Variants in PHEX observed in about 807,000 individuals in gnomAD.
The protein encoded by PHEX is phosphate-regulating neutral endopeptidase PHEX.
Under a neutral mutation model 68.0 loss-of-function variants are expected in PHEX, and 16 were observed. The observed-to-expected ratio is 0.24, with a 90% CI of 0.16 to 0.36. The LOEUF (loss-of-function observed/expected upper bound fraction) is 0.36. PHEX is among the 10% of genes least tolerant of loss of function. The pLI is 1.00. For synonymous variants in PHEX, 208 were observed against 205.1 expected (o/e 1.01, Z -0.12); for missense variants, 480 against 575.5 (o/e 0.83, Z 1.70).
At chrX:22,143,695 T>C (rs1359070542) in intron 12 of PHEX, among the ~76,000 whole-genome samples, 2 of 112,500 alleles carry the variant, frequency 1.8e-5, no homozygotes, top group African/African-American at 6.5e-5. Context: ...TTCTTTCACT[T>C]AGCCTTATGT....
At chrX:22,143,756 G>A (rs1335711756) in intron 12 of PHEX, among the ~76,000 whole-genome samples, 1 of 111,890 alleles carries the variant, frequency 8.9e-6, no homozygotes, top group Non-Finnish European at 1.9e-5. Flanking sequence ...CTGTTTAATT[G>A]GCGTCCCCAT....
intron 15 of PHEX, among the ~76,000 whole-genome samples, chrX:22,197,837 G>A (rs1934415938): frequency 9.1e-6 from 1 of 110,271 alleles, no homozygotes; most frequent in Non-Finnish European, 1.9e-5. Context: ...TCTGAAGTAT[G>A]ACAGTTTGAT....
chrX:22,200,847 C>T (rs1934528200), intron 15 of PHEX, among the ~76,000 whole-genome samples: 1 of 110,455 alleles, frequency 9.1e-6, no homozygotes, highest in African/African-American at 3.3e-5. Flanking sequence ...GTCCCCAAGT[C>T]CTACTGATTT....
Position 22,231,332 on chromosome X carries a change from CTT to C in PHEX, c.2070+3722_2070+3723del, listed in dbSNP as rs766236084. Among the ~76,000 whole-genome samples the C allele has an allele frequency of 4.7e-3, 530 of 111,797 alleles. 1 individual carries two copies. The highest frequency in any genetic ancestry group is 0.016 in the African/African-American group (501 of 30,709). ...CCTCTTCTTCTGTGGTTTGGAATAG[CTT>C]CAGAAGGAATGGTACCAGCTCCTCT... On this transcript the variant is annotated intron_variant, in intron 20 of 21. Transcript: ENST00000379374.
chrX:22,116,071 C>G (rs1252288805), intron 11 of PHEX, among the ~76,000 whole-genome samples: 1 of 111,983 alleles, frequency 8.9e-6, no homozygotes, highest in African/African-American at 3.2e-5. Context: ...TACATTCTTA[C>G]CAACAGTATA....
At chrX:22,101,520 G>T (rs1473185345) in intron 9 of PHEX, among the ~76,000 whole-genome samples, 1 of 112,072 alleles carries the variant, frequency 8.9e-6, no homozygotes, top group Non-Finnish European at 1.9e-5. Flanking sequence ...TCATGGAACA[G>T]TCTGAACATG....
intron 12 of PHEX, among the ~76,000 whole-genome samples, chrX:22,151,017 G>T (rs1431469829): frequency 1.8e-5 from 2 of 111,902 alleles, no homozygotes; most frequent in African/African-American, 6.5e-5. Context: ...GGTGGCTTCA[G>T]GTCACTTTTC....
intron 12 of PHEX, among the ~76,000 whole-genome samples, chrX:22,142,858 A>G (rs894465838): frequency 1.8e-5 from 2 of 112,489 alleles, no homozygotes; most frequent in Non-Finnish European, 3.7e-5. Context: ...TTACCAATGT[A>G]TTGTTCTGTT....
At position 22,168,374 on chromosome X, in the gene PHEX, T is replaced by C. The variant is rs987682888; in HGVS notation, c.1467T>C (p.Asn489=). The C allele has an allele frequency of 2.4e-5, 28 of 1,177,849 alleles. No homozygotes were observed. The highest frequency in any genetic ancestry group is 3.2e-5 in the Non-Finnish European group (28 of 865,796). The change falls in exon 13 of 22, where the codon AAT becomes AAC. Residue 489 remains asparagine, a synonymous_variant. Coordinates refer to ENST00000379374, the MANE Select transcript of PHEX (RefSeq NM_000444.6). ...PEFIMNDTHV[N]EDLKAIKFSE... ...TTATAATGAATGATACTCATGTTAA[T>C]GAAGACCTCAAAGCTGTAAGTGCTA...
intron 12 of PHEX, among the ~76,000 whole-genome samples, chrX:22,145,889 A>G (rs1164064363): frequency 8.9e-6 from 1 of 112,427 alleles, no homozygotes; most frequent in Non-Finnish European, 1.9e-5. Context: ...TCTCTTGATT[A>G]ATTTTCACAA....
At chrX:22,223,776 AAGG>A (rs1935348445) in intron 18 of PHEX, among the ~76,000 whole-genome samples, 1 of 112,543 alleles carries the variant, frequency 8.9e-6, no homozygotes, top group Non-Finnish European at 1.9e-5. Flanking sequence ...AGTAAAAAGG[AAGG>A]AGATTAAATT....
intron 19 of PHEX, among the ~76,000 whole-genome samples, chrX:22,227,229 C>T (rs894117050): frequency 8.9e-6 from 1 of 112,451 alleles, no homozygotes; most frequent in Non-Finnish European, 1.9e-5. Flanking sequence ...TGTTTGTCCC[C>T]TGCTAGGAAT....
At chrX:22,126,630 C>T (rs1463070796) in intron 11 of PHEX, among the ~76,000 whole-genome samples, 3 of 111,082 alleles carry the variant, frequency 2.7e-5, no homozygotes, top group Non-Finnish European at 5.7e-5. Context: ...ATAGGAGCAT[C>T]TCATTAAAGT....
intron 13 of PHEX, among the ~76,000 whole-genome samples, chrX:22,176,401 AAATATATATATAT>A (rs1240222885): frequency 1.4e-3 from 84 of 59,962 alleles, no homozygotes; most frequent in African/African-American, 9.5e-3. Flanking sequence ...AAAAAAAAAA[AAATATATATATAT>A]ATATATATAT....
chrX:22,113,943 C>CTTTTTTTTTTTTTTTTTTTTTTT, intron 10 of PHEX, among the ~76,000 whole-genome samples: 1 of 63,994 alleles, frequency 1.6e-5, no homozygotes, highest in Non-Finnish European at 2.9e-5. Context: ...TCTTCTTCTT[C>CTTTTTTTTTTTTTTTTTTTTTTT]TTTTTTTTTT....
intron 11 of PHEX, among the ~76,000 whole-genome samples, chrX:22,120,726 C>T (rs765024935): frequency 1.3e-4 from 14 of 111,799 alleles, no homozygotes; most frequent in African/African-American, 4.2e-4. Context: ...TTTGTACATA[C>T]GTCATTCTAA....
chrX:22,197,981 A>T (rs1286066491), intron 15 of PHEX, among the ~76,000 whole-genome samples: 1 of 107,873 alleles, frequency 9.3e-6, no homozygotes, highest in Non-Finnish European at 1.9e-5. Flanking sequence ...TGAAGATTAA[A>T]TGATACTATA....
chrX:22,130,058 C>G (rs1054941878), intron 11 of PHEX, among the ~76,000 whole-genome samples: 1 of 111,985 alleles, frequency 8.9e-6, no homozygotes, highest in Non-Finnish European at 1.9e-5. Context: ...ATCTGACTCT[C>G]TCTACGTTCC....
chrX:22,115,600 C>T (rs1287296879), intron 11 of PHEX, among the ~76,000 whole-genome samples: 2 of 112,000 alleles, frequency 1.8e-5, no homozygotes, highest in African/African-American at 6.5e-5. Context: ...CCCCATTTCC[C>T]TGCCCCCAGC....
Sources: allele counts gnomAD v4.1 joint callset (sites outside exome capture counted in the v4.1 genomes callset), GRCh38; gene constraint gnomAD v4.1.1; transcripts MANE v1.5; gene names NCBI Gene and HGNC (gene_info 2026-07-23, HGNC 2026-07-21).